Variants in THUMPD3 observed in about 807,000 individuals in gnomAD.
THUMPD3 encodes the protein tRNA (guanine(6)-N(2))-methyltransferase THUMP3.
In THUMPD3, 44 loss-of-function variants were observed where a neutral mutation model predicts 54.5. That is an observed-to-expected ratio of 0.81 (90% CI 0.63 to 1.04). The LOEUF (loss-of-function observed/expected upper bound fraction) is 1.04. Among genes scored for constraint, THUMPD3 ranks in the 50% least tolerant of loss-of-function variants. The pLI is 0.00. For synonymous variants in THUMPD3, 196 were observed against 201.4 expected, an observed-to-expected ratio of 0.97 and a Z score of 0.23; for missense variants, 604 against 601.3, an observed-to-expected ratio of 1.00 and a Z score of -0.05.
In THUMPD3 at chr3:9,385,730, AAC is replaced by A. The variant is rs1228169251; in HGVS notation, c.*1046_*1047del. 1 of 152,272 alleles carries A rather than the reference AAC, an allele frequency of 6.6e-6. No homozygotes were observed. Among genetic ancestry groups the A allele is most frequent in the Non-Finnish European group, 1.5e-5 (1 of 68,050 alleles). The allele number at this position is 152,272 out of a possible 1,614,324, so 9.4% of individuals were successfully genotyped here. A position where few individuals can be genotyped will look rare whatever the true frequency, so the allele number is the denominator to read the frequency against. On this transcript the variant is annotated 3_prime_UTR_variant, in exon 10 of 10. Transcript: ENST00000452837. ...ACTAAGGTGTGTGTTTTCAAAACCA[AAC>A]ACAAACCTGTCAAGAGTATTTGTTG...
intron 7 of THUMPD3, among the ~76,000 whole-genome samples, chr3:9,382,641 G>A (rs2033014670): frequency 6.6e-6 from 1 of 152,012 alleles, no homozygotes; most frequent in South Asian, 2.1e-4. Flanking sequence ...TTAAATTTTT[G>A]TATCATCGGT....
chr3:9,384,381 G>C, intron 9 of THUMPD3, 46 bp downstream of exon 9: 1 of 1,598,196 alleles, frequency 6.3e-7, no homozygotes, highest in South Asian at 1.1e-5. Context: ...GCAACTTTGG[G>C]ATCTTTTTGA....
At chr3:9,378,858 CAG>C (rs2032666006) in intron 6 of THUMPD3, among the ~76,000 whole-genome samples, 1 of 152,114 alleles carries the variant, frequency 6.6e-6, no homozygotes, top group Admixed American at 6.5e-5. Context: ...GGGAAGAAAG[CAG>C]AGTGTTGTTT....
At position 9,374,591 on chromosome 3, in the gene THUMPD3, A is replaced by T. The variant is rs1323108713; in HGVS notation, c.883A>T (p.Ile295Leu). Residue 295 changes from isoleucine (I) to leucine (L), a missense_variant, in exon 5 of 10, where the codon ATA (isoleucine) becomes TTA (leucine). Transcript: ENST00000452837. ...TGAAGAGAGTCTCCACCGAAGAAAT[A>T]TAACACATTTTGGACCTACAACTCT... is the stretch of plus-strand genomic sequence containing the variant. Reference protein sequence around the residue: ...LTEESLHRRNITHFGPTTLRS... With the variant: ...LTEESLHRRNLTHFGPTTLRS... 6.2e-7 allele frequency: 1 copy of T among 1,614,192 alleles called. No homozygotes were observed. Among genetic ancestry groups the T allele is most frequent in the East Asian group, 2.2e-5 (1 of 44,884 alleles).
chr3:9,366,954 AGTTTCAAGATTAC>A lies in THUMPD3; in HGVS notation c.300_312del (p.Glu100AspfsTer11), dbSNP rs773404915. 3 of 1,613,504 alleles carry A rather than the reference AGTTTCAAGATTAC, an allele frequency of 1.9e-6. No individual in the cohort carries two copies. The highest frequency in any genetic ancestry group is 2.5e-6 in the Non-Finnish European group (3 of 1,179,834). On this transcript the variant is annotated frameshift_variant, in exon 3 of 10. Coordinates refer to ENST00000452837, the MANE Select transcript of THUMPD3 (RefSeq NM_001114092.2). LOFTEE classifies it high-confidence loss of function. The stretch of plus-strand genomic sequence containing the variant: ...GATAACTTATTTGTGGTGGTTCAGG[AGTTTCAAGATTAC>A]CAGTTCAAACAAACAAAGGTGAGCT...
intron 2 of THUMPD3, among the ~76,000 whole-genome samples, chr3:9,366,703 T>C (rs1047724278): frequency 1.4e-4 from 22 of 152,224 alleles, no homozygotes; most frequent in African/African-American, 5.1e-4. Context: ...TCTCTTTCCA[T>C]CTGCCCTTTT....
chr3:9,375,205 A>C (rs549831492), intron 5 of THUMPD3, among the ~76,000 whole-genome samples: 55 of 152,236 alleles, frequency 3.6e-4, no homozygotes, highest in Middle Eastern at 3.4e-3. Flanking sequence ...CTCTTGAATG[A>C]GGTTACCACA....
rs529287111 is a variant in THUMPD3 at position 9,368,167 on chromosome 3, G to A, written c.330+1182G>A. 1.2e-4 allele frequency among the ~76,000 whole-genome samples: 18 copies of A among 152,170 alleles called. No individual in the cohort carries two copies. The East Asian group carries it at 3.5e-3, about 29-fold the overall frequency. ...TCTAATGAGTTCTCTTAAGTATTCA[G>A]ATGATAATCATGAATTTATTAGTCC... On this transcript the variant is annotated intron_variant, in intron 3 of 9. Coordinates refer to ENST00000452837, the MANE Select transcript of THUMPD3 (RefSeq NM_001114092.2).
rs1575090460 is a variant in THUMPD3, at chr3:9,384,760, T to C, written c.*72T>C. 8 of 1,574,722 alleles carry C rather than the reference T, an allele frequency of 5.1e-6. No individual in the cohort carries two copies. Among genetic ancestry groups the C allele is most frequent in the Middle Eastern group, 1.7e-4 (1 of 5,808 alleles). ...TAAAAGAACTTGGAGAGGAAAAAAG[T>C]ATTAACAAAACTGCAGTCTGCACTC... On this transcript the variant is annotated 3_prime_UTR_variant, in exon 10 of 10. Transcript: ENST00000452837.
chr3:9,363,883 T>G (rs2125303023), intron 1 of THUMPD3: 1 of 135,458 alleles, frequency 7.4e-6, no homozygotes, highest in African/African-American at 2.8e-5. Flanking sequence ...CACCTCAGCC[T>G]CCCAAGTAGC....
rs561624656 is a variant in THUMPD3 at position 9,383,333 on chromosome 3, G to A, written c.1235+24G>A. 32 of 1,506,398 alleles carry A rather than the reference G, an allele frequency of 2.1e-5. No individual in the cohort carries two copies. In the Admixed American group the frequency reaches 4.9e-4, roughly 23 times the overall value. 93.3% of individuals were successfully genotyped at this position (1,506,398 alleles called of 1,614,324 possible). ...AGGTGAGAAATACTAGTACCTGCTT[G>A]TCTTCTAAATATGTCATTATTTTCC... On this transcript the variant is annotated intron_variant, in intron 8 of 9. Transcript: ENST00000452837.
chr3:9,382,460 C>T (rs531457263), intron 7 of THUMPD3, among the ~76,000 whole-genome samples: 1 of 151,992 alleles, frequency 6.6e-6, no homozygotes, highest in South Asian at 2.1e-4. Context: ...ACATATTTTC[C>T]TTTTGGTTTT....
In THUMPD3 at chr3:9,385,747, A is replaced by T. The variant is rs2033288100; in HGVS notation, c.*1059A>T. 2 of 152,346 alleles carry T rather than the reference A, an allele frequency of 1.3e-5. No homozygotes were observed. Among genetic ancestry groups the T allele is most frequent in the South Asian group, 4.1e-4 (2 of 4,826 alleles). The allele number at this position is 152,346 out of a possible 1,614,324, so 9.4% of individuals were successfully genotyped here. A position where few individuals can be genotyped will look rare whatever the true frequency, so the allele number is the denominator to read the frequency against. ...CAAAACCAAACACAAACCTGTCAAGAGTATTTGTTGGCTAGTTTCTTAAAA... is the reference window on the plus strand; with the variant it reads ...CAAAACCAAACACAAACCTGTCAAGTGTATTTGTTGGCTAGTTTCTTAAAA... On this transcript the variant is annotated 3_prime_UTR_variant, in exon 10 of 10. Coordinates refer to ENST00000452837, the MANE Select transcript of THUMPD3 (RefSeq NM_001114092.2).
chr3:9,364,726 G>T (rs566945859), intron 1 of THUMPD3, among the ~76,000 whole-genome samples: 1 of 152,234 alleles, frequency 6.6e-6, no homozygotes, highest in Non-Finnish European at 1.5e-5. Flanking sequence ...AGTTTCTGTC[G>T]TAGTTATGAA....
chr3:9,376,286 A>C (rs1198534243), intron 5 of THUMPD3, among the ~76,000 whole-genome samples: 2 of 152,220 alleles, frequency 1.3e-5, no homozygotes, highest in Non-Finnish European at 2.9e-5. Flanking sequence ...ACATCTTGGA[A>C]AACCACCAGA....
chr3:9,376,004 A>T (rs1259586003), intron 5 of THUMPD3, among the ~76,000 whole-genome samples: 1 of 152,232 alleles, frequency 6.6e-6, no homozygotes, highest in Non-Finnish European at 1.5e-5. Flanking sequence ...TAATTCAATG[A>T]CGATAATAGA....
intron 7 of THUMPD3, among the ~76,000 whole-genome samples, chr3:9,382,749 G>A (rs1040635669): frequency 7.9e-5 from 12 of 151,986 alleles, no homozygotes; most frequent in Admixed American, 3.9e-4. Flanking sequence ...TTTCTGAGAC[G>A]GGGGTCTTGC....
intron 4 of THUMPD3, 79 bp from the exon 5 acceptor site, chr3:9,374,437 C>G (rs1161078519): frequency 4.5e-6 from 7 of 1,547,818 alleles, no homozygotes; most frequent in Non-Finnish European, 6.1e-6. Flanking sequence ...GGTGAACCGG[C>G]CCAGGTCAGA....
chr3:9,384,776 G>A lies in THUMPD3; in HGVS notation c.*88G>A, dbSNP rs2033216559. ...GGAAAAAAGTATTAACAAAACTGCA[G>A]TCTGCACTCTTTAAACCTGTTTAAG... is the stretch of plus-strand genomic sequence containing the variant. On this transcript the variant is annotated 3_prime_UTR_variant, in exon 10 of 10. Coordinates refer to ENST00000452837, the MANE Select transcript of THUMPD3 (RefSeq NM_001114092.2). The A allele has an allele frequency of 6.8e-7, 1 of 1,468,342 alleles. No homozygotes were observed. The highest frequency in any genetic ancestry group is 9.4e-7 in the Non-Finnish European group (1 of 1,066,062). The allele number at this position is 1,468,342 out of a possible 1,614,324, so 91.0% of individuals were successfully genotyped here. A position where few individuals can be genotyped will look rare whatever the true frequency, so the allele number is the denominator to read the frequency against.
Sources: allele counts gnomAD v4.1 joint callset (sites outside exome capture counted in the v4.1 genomes callset), GRCh38; gene constraint gnomAD v4.1.1; transcripts MANE v1.5; gene names NCBI Gene and HGNC (gene_info 2026-07-23, HGNC 2026-07-21).